TULP3: variants seen among roughly 807,000 people sequenced by gnomAD.
The protein encoded by TULP3 is TUB like protein 3.
A neutral mutation model predicts 50.7 loss-of-function variants in TULP3; 38 were observed. That is an observed-to-expected ratio of 0.75 (90% CI 0.58 to 0.98). TULP3 has a LOEUF of 0.98. TULP3 is among the 50% of genes least tolerant of loss of function. The pLI is 0.00. For missense variants in TULP3, 550 were observed against 568.0 expected, an observed-to-expected ratio of 0.97 and a Z score of 0.32; for synonymous variants, 183 against 196.6, an observed-to-expected ratio of 0.93 and a Z score of 0.58.
At chr12:2,911,419 C>T (rs1353677740) in intron 2 of TULP3, among the ~76,000 whole-genome samples, 2 of 151,522 alleles carry the variant, frequency 1.3e-5, no homozygotes, top group Non-Finnish European at 2.9e-5. Flanking sequence ...GTGGCGCAAT[C>T]TTGCCTCACT....
At chr12:2,924,939 A>C (rs374909407) in intron 4 of TULP3, among the ~76,000 whole-genome samples, 79 of 152,266 alleles carry the variant, frequency 5.2e-4, no homozygotes, top group Middle Eastern at 6.8e-3. Flanking sequence ...GCACTTTGGG[A>C]GGCCGACACG....
rs201718774 is a variant in TULP3, at chr12:2,931,015, T to G, written c.493-22T>G. On this transcript the variant is annotated intron_variant, in intron 5 of 10. Transcript: ENST00000448120. The stretch of plus-strand genomic sequence containing the variant: ...ATTTTGAGTCTCGGCCTGTTGTTGC[T>G]CATGTATGGCTGTCCTTTCAGGATA... 1.6e-5 allele frequency: 26 copies of G among 1,613,760 alleles called. No homozygotes were observed. In the Admixed American group the frequency reaches 3.3e-4, roughly 21 times the overall value.
rs781644204 is a variant in TULP3 at position 2,938,179 on chromosome 12, C to A, written c.1089C>A (p.Asn363Lys). 6.2e-7 allele frequency: 1 copy of A among 1,614,200 alleles called. No individual in the cohort carries two copies. The change falls in exon 10 of 11, where the codon AAC (asparagine) becomes AAA (lysine). Residue 363 changes from asparagine to lysine, a missense_variant. Coordinates refer to ENST00000448120, the MANE Select transcript of TULP3 (RefSeq NM_003324.5). ...RTMENLVELH[N>K]KAPVWNSDTQ... is the part of the protein sequence containing the mutation. ...TGGAAAATCTGGTTGAGCTGCACAA[C>A]AAGGCCCCCGTCTGGAACAGTGACA...
chr12:2,910,355 T>A (rs1230692708), intron 2 of TULP3, among the ~76,000 whole-genome samples: 2 of 152,196 alleles, frequency 1.3e-5, no homozygotes, highest in East Asian at 3.9e-4. Flanking sequence ...GTTTTCTCCA[T>A]TACACTAAGC....
chr12:2,937,663 G>C lies in TULP3; in HGVS notation c.957G>C (p.Arg319Ser). Residue 319 changes from arginine to serine, a missense_variant, in exon 9 of 11, where the codon AGG (arginine) becomes AGC (serine). By Grantham distance (110) the Arg-to-Ser change is moderately radical. Transcript: ENST00000448120. ...ACGTACTTGGATTTAAAGGTCCTAGGAAAATGTCTGTGATCATTCCTGGAA... is the reference window on the plus strand; with the variant it reads ...ACGTACTTGGATTTAAAGGTCCTAGCAAAATGTCTGTGATCATTCCTGGAA... ...ETNVLGFKGP[R>S]KMSVIIPGMT... is the part of the protein sequence containing the mutation. The C allele has an allele frequency of 1.2e-6, 2 of 1,613,056 alleles. No homozygotes were observed. The highest frequency in any genetic ancestry group is 8.5e-7 in the Non-Finnish European group (1 of 1,179,606).
intron 4 of TULP3, among the ~76,000 whole-genome samples, chr12:2,923,519 G>A (rs901692912): frequency 3.3e-5 from 5 of 151,916 alleles, no homozygotes; most frequent in Admixed American, 6.6e-5. Context: ...GCATGGTGGT[G>A]GGTGCCTATT....
chr12:2,937,090 G>A (rs1365946099), intron 8 of TULP3, among the ~76,000 whole-genome samples: 1 of 149,530 alleles, frequency 6.7e-6, no homozygotes, highest in African/African-American at 2.5e-5. Context: ...TGGCGACAGA[G>A]CGTGACTCTG....
At chr12:2,933,330 G>A (rs1183456427) in intron 6 of TULP3, 88 bp from the exon 7 acceptor site, 8 of 793,030 alleles carry the variant, frequency 1.0e-5, no homozygotes, top group Non-Finnish European at 1.7e-5. Context: ...GCTAAGCACT[G>A]GCTGAATGAA....
chr12:2,934,730 A>G (rs1222932490), intron 8 of TULP3, among the ~76,000 whole-genome samples, 169 bp downstream of exon 8: 1 of 152,164 alleles, frequency 6.6e-6, no homozygotes. Context: ...TGAATTGCCA[A>G]GTTCAATTAT....
chr12:2,901,267 C>T (rs1171218015), intron 1 of TULP3, among the ~76,000 whole-genome samples: 3 of 150,914 alleles, frequency 2.0e-5, no homozygotes, highest in Admixed American at 1.3e-4. Flanking sequence ...GAGCGCTCCA[C>T]CACACCTGGC....
intron 1 of TULP3, among the ~76,000 whole-genome samples, chr12:2,891,500 G>A (rs1400517334): frequency 6.6e-6 from 1 of 152,220 alleles, no homozygotes; most frequent in Non-Finnish European, 1.5e-5. Context: ...CTGCTTTCCA[G>A]TGTTTGTCCC....
At chr12:2,907,777 A>G (rs2098183211) in intron 1 of TULP3, among the ~76,000 whole-genome samples, 2 of 152,122 alleles carry the variant, frequency 1.3e-5, no homozygotes, top group Admixed American at 1.3e-4. Flanking sequence ...TTGGGATTTA[A>G]AAATACATGA....
At chr12:2,931,533 T>C (rs1233594105) in intron 6 of TULP3, among the ~76,000 whole-genome samples, 1 of 152,226 alleles carries the variant, frequency 6.6e-6, no homozygotes, top group Non-Finnish European at 1.5e-5. Flanking sequence ...AGTTTTTGAA[T>C]GTTACTGTTT....
rs2098197201 is a variant in TULP3 at position 2,930,308 on chromosome 12, T to C, written c.455T>C (p.Leu152Ser). Residue 152 changes from leucine (L) to serine (S), a missense_variant, in exon 5 of 11, where the codon TTA (leucine) becomes TCA (serine). By Grantham distance (145) the Leu-to-Ser change is moderately radical (BLOSUM62 -2). Transcript: ENST00000448120. ...ETDGISQSAC[L>S]ERPNSASSQN... is the part of the protein sequence containing the mutation. The stretch of plus-strand genomic sequence containing the variant: ...GATGGAATATCCCAGTCAGCATGTT[T>C]AGAAAGACCCAATTCTGCATCAAGC... 6.2e-7 allele frequency: 1 copy of C among 1,612,860 alleles called. No individual in the cohort carries two copies. The highest frequency in any genetic ancestry group is 1.3e-5 in the African/African-American group (1 of 74,942).
intron 8 of TULP3, among the ~76,000 whole-genome samples, chr12:2,936,093 C>T (rs1055489167): frequency 3.3e-5 from 5 of 151,924 alleles, no homozygotes; most frequent in African/African-American, 1.2e-4. Flanking sequence ...ATGGCAAAAA[C>T]CCGTCTCTAC....
chr12:2,917,053 T>C (rs2098189058), intron 2 of TULP3, among the ~76,000 whole-genome samples: 1 of 152,152 alleles, frequency 6.6e-6, no homozygotes, highest in Admixed American at 6.6e-5. Flanking sequence ...ACCAGGTCCT[T>C]TGGCACAAAT....
At chr12:2,919,530 G>A (rs571108677) in intron 2 of TULP3, among the ~76,000 whole-genome samples, 1 of 152,180 alleles carries the variant, frequency 6.6e-6, no homozygotes, top group African/African-American at 2.4e-5. Flanking sequence ...TTCTAAAACA[G>A]TATCGATGGA....
intron 2 of TULP3, among the ~76,000 whole-genome samples, chr12:2,916,411 G>GCAAT: frequency 6.6e-6 from 1 of 151,870 alleles, no homozygotes; most frequent in Middle Eastern, 3.4e-3. Flanking sequence ...ATTTTAGCAG[G>GCAAT]ATAGTAAGAC....
chr12:2,940,311 T>A lies in TULP3; in HGVS notation c.*867T>A. 7.0e-7 allele frequency: 1 copy of A among 1,421,880 alleles called. No homozygotes were observed. The highest frequency in any genetic ancestry group is 9.2e-7 in the Non-Finnish European group (1 of 1,091,534). 88.1% of individuals were successfully genotyped at this position (1,421,880 alleles called of 1,614,324 possible). On this transcript the variant is annotated 3_prime_UTR_variant, in exon 11 of 11. Coordinates refer to ENST00000448120, the MANE Select transcript of TULP3 (RefSeq NM_003324.5). ...CAAGAGAGATGGCAGTATTGACCATTTAGTTTAGTTAAAAAAAAAAAAAAA... is the reference window on the plus strand; with the variant it reads ...CAAGAGAGATGGCAGTATTGACCATATAGTTTAGTTAAAAAAAAAAAAAAA...
Sources: allele counts gnomAD v4.1 joint callset (sites outside exome capture counted in the v4.1 genomes callset), GRCh38; gene constraint gnomAD v4.1.1; transcripts MANE v1.5; gene names NCBI Gene and HGNC (gene_info 2026-07-23, HGNC 2026-07-21).